Variants in C2CD3 observed in about 807,000 individuals in gnomAD.
The protein encoded by C2CD3 is C2 domain containing 3 centriole elongation regulator.
A neutral mutation model predicts 234.0 loss-of-function variants in C2CD3; 148 were observed. The observed-to-expected ratio is 0.63, with a 90% CI of 0.55 to 0.72. The LOEUF is 0.72. Ranked by LOEUF, C2CD3 falls within the 30% of genes least tolerant of loss-of-function variation. C2CD3 has a pLI of 0.00. For missense variants in C2CD3, 2,577 were observed against 2,811.5 expected, an observed-to-expected ratio of 0.92 and a Z score of 1.89; for synonymous variants, 1,000 against 1,035.4, an observed-to-expected ratio of 0.97 and a Z score of 0.66.
At position 74,085,666 on chromosome 11, in the gene C2CD3, CCAA is replaced by C; in HGVS notation, c.3859_3861del (p.Leu1287del). 6.2e-7 allele frequency: 1 copy of C among 1,614,094 alleles called. No homozygotes were observed. The highest frequency in any genetic ancestry group is 8.5e-7 in the Non-Finnish European group (1 of 1,180,022). On this transcript the variant is annotated inframe_deletion, in exon 21 of 33. Coordinates refer to ENST00000334126, the MANE Select transcript of C2CD3 (RefSeq NM_001286577.2). ...ACAGCAAAAATAACTTCTGCAAACT[CCAA>C]CAACTCTGCTAGGAAACAGGCCTCT...
At chr11:74,111,719 A>G (rs1460696399) in intron 11 of C2CD3, among the ~76,000 whole-genome samples, 2 of 152,170 alleles carry the variant, frequency 1.3e-5, no homozygotes, top group Non-Finnish European at 2.9e-5. Flanking sequence ...CAAGTGGCCC[A>G]GGATGGCTTT....
At chr11:74,031,406 C>T (rs1402011815) in intron 31 of C2CD3, among the ~76,000 whole-genome samples, 1 of 152,236 alleles carries the variant, frequency 6.6e-6, no homozygotes, top group Admixed American at 6.5e-5. Flanking sequence ...CTTCACCCAG[C>T]GAGGCCTCTG....
chr11:74,030,954 C>T (rs75817348), intron 31 of C2CD3, among the ~76,000 whole-genome samples: 2,039 of 152,294 alleles, frequency 0.013, 17 homozygotes, highest in Non-Finnish European at 0.022. Context: ...CTGTTCCCCT[C>T]GTCTTCATCA....
chr11:74,164,098 T>G lies in C2CD3; in HGVS notation c.326-2542A>C, dbSNP rs940575807. ...CCACTACACTTAATTATAAGTCCAC[T>G]ACACTATTCATCACTTCTAGGACAA... On this transcript the variant is annotated intron_variant, in intron 2 of 32. Coordinates refer to ENST00000334126, the MANE Select transcript of C2CD3 (RefSeq NM_001286577.2). 12 of 711,156 alleles carry G rather than the reference T, an allele frequency of 1.7e-5. No individual in the cohort carries two copies. In the African/African-American group the frequency reaches 2.3e-4, roughly 14 times the overall value. The allele number at this position is 711,156 out of a possible 1,614,324, so 44.1% of individuals were successfully genotyped here. A position where few individuals can be genotyped will look rare whatever the true frequency, so the allele number is the denominator to read the frequency against.
chr11:74,113,862 C>A lies in C2CD3; in HGVS notation c.1761G>T (p.Val587=), dbSNP rs1956838201. 1.3e-6 allele frequency: 2 copies of A among 1,599,552 alleles called. No homozygotes were observed. Among genetic ancestry groups the A allele is most frequent in the African/African-American group, 1.4e-5 (1 of 73,884 alleles). ...TTCCCAATCCGCTTTCCGAAAAGCC[C>A]ACAGGAAAGTGATATTCTACAAAGA... is the stretch of plus-strand genomic sequence containing the variant. ...RTFFVEYHFP[V]GFSESGLGKT... The change falls in exon 11 of 33, where the codon GTG becomes GTT. Residue 587 remains valine, a synonymous_variant. Coordinates refer to ENST00000334126, the MANE Select transcript of C2CD3 (RefSeq NM_001286577.2).
At chr11:74,082,060 G>T (rs1277561648) in intron 22 of C2CD3, among the ~76,000 whole-genome samples, 3 of 151,754 alleles carry the variant, frequency 2.0e-5, no homozygotes, top group Non-Finnish European at 4.4e-5. Context: ...TCCCTGTCTT[G>T]TGCCAGTTTT....
intron 3 of C2CD3, among the ~76,000 whole-genome samples, chr11:74,150,959 G>C (rs1855609903): frequency 6.6e-6 from 1 of 150,872 alleles, no homozygotes; most frequent in Non-Finnish European, 1.5e-5. Flanking sequence ...GTCTCACTCT[G>C]TCACCCAGGC....
At chr11:74,026,466 T>C (rs1356376925) in intron 32 of C2CD3, among the ~76,000 whole-genome samples, 2 of 152,198 alleles carry the variant, frequency 1.3e-5, no homozygotes, top group African/African-American at 4.8e-5. Context: ...CTCTTTAGGA[T>C]TGTATCCCAG....
At chr11:74,095,157 A>G in intron 17 of C2CD3, 71 bp downstream of exon 17, 1 of 1,094,734 alleles carries the variant, frequency 9.1e-7, no homozygotes, top group Non-Finnish European at 1.2e-6. Context: ...TCACTCAGAA[A>G]AAAAAAACTC....
intron 28 of C2CD3, among the ~76,000 whole-genome samples, chr11:74,044,941 T>A (rs939187082): frequency 5.3e-5 from 8 of 152,076 alleles, no homozygotes; most frequent in Non-Finnish European, 1.2e-4. Flanking sequence ...ATGAATCTAA[T>A]TTTTTTCTTT....
rs1034229468 is a variant in C2CD3 at position 74,124,925 on chromosome 11, T to C, written c.1218-1790A>G. The stretch of plus-strand genomic sequence containing the variant: ...TTTGAATTTATTCACCTGTCTATGA[T>C]ATACTAAAAGGGCTAAAATTTGCCT... On this transcript the variant is annotated intron_variant, in intron 7 of 32. Transcript: ENST00000334126. 3.9e-5 allele frequency among the ~76,000 whole-genome samples: 6 copies of C among 152,200 alleles called. No homozygotes were observed. The South Asian group carries it at 1.2e-3, about 32-fold the overall frequency.
chr11:74,150,486 C>T (rs1227579039), intron 3 of C2CD3, among the ~76,000 whole-genome samples: 1 of 74,524 alleles, frequency 1.3e-5, no homozygotes, highest in Non-Finnish European at 2.3e-5. Context: ...GAGCAAGACC[C>T]TGTCTCAAAA....
chr11:74,020,712 T>C (rs1952051976), intron 32 of C2CD3, among the ~76,000 whole-genome samples: 1 of 152,238 alleles, frequency 6.6e-6, no homozygotes, highest in African/African-American at 2.4e-5. Context: ...AGCTCAGGAC[T>C]GTGGCTTTGC....
intron 5 of C2CD3, among the ~76,000 whole-genome samples, chr11:74,138,362 C>A (rs1018987773): frequency 1.2e-4 from 19 of 152,190 alleles, no homozygotes; most frequent in African/African-American, 4.6e-4. Context: ...AGTCTCCATA[C>A]AGTGGGATAA....
chr11:74,054,316 C>T (rs1953853621), intron 26 of C2CD3, among the ~76,000 whole-genome samples: 1 of 150,318 alleles, frequency 6.7e-6, no homozygotes, highest in Non-Finnish European at 1.5e-5. Flanking sequence ...GTGGTATGTG[C>T]TTGCGGTCCC....
intron 32 of C2CD3, among the ~76,000 whole-genome samples, chr11:74,021,018 T>C (rs1366222848): frequency 1.3e-5 from 2 of 152,108 alleles, no homozygotes; most frequent in Non-Finnish European, 2.9e-5. Flanking sequence ...ACCAGGGTGG[T>C]GAGAAGCACA....
chr11:74,054,271 CAAAAA>C (rs576353352), intron 26 of C2CD3, among the ~76,000 whole-genome samples: 1 of 94,430 alleles, frequency 1.1e-5, no homozygotes, highest in African/African-American at 4.2e-5. Flanking sequence ...GATTCTGTCT[CAAAAA>C]AAAAAAAAAA....
chr11:74,111,276 T>TG (rs754935924), intron 11 of C2CD3, among the ~76,000 whole-genome samples: 39 of 152,272 alleles, frequency 2.6e-4, no homozygotes, highest in Admixed American at 7.2e-4. Flanking sequence ...ATGTACAGGT[T>TG]GGGCAGCCCT....
intron 32 of C2CD3, among the ~76,000 whole-genome samples, chr11:74,020,307 T>C (rs528907276): frequency 2.0e-5 from 3 of 152,376 alleles, no homozygotes; most frequent in Non-Finnish European, 1.5e-5. Flanking sequence ...TTTCTGACCA[T>C]GTCTCTAGCA....
Sources: allele counts gnomAD v4.1 joint callset (sites outside exome capture counted in the v4.1 genomes callset), GRCh38; gene constraint gnomAD v4.1.1; transcripts MANE v1.5; gene names NCBI Gene and HGNC (gene_info 2026-07-23, HGNC 2026-07-21).